RAB9A: variants seen among roughly 807,000 people sequenced by gnomAD.
RAB9A encodes the protein RAB9A, member RAS oncogene family.
In RAB9A, 1 loss-of-function variant was observed where a neutral mutation model predicts 10.3. That is an observed-to-expected ratio of 0.10 (90% confidence interval 0.03 to 0.46). RAB9A has a LOEUF of 0.46. Among genes scored for constraint, RAB9A ranks in the 20% least tolerant of loss-of-function variants. RAB9A has a pLI of 0.96. For synonymous variants in RAB9A, 39 were observed against 55.2 expected, an observed-to-expected ratio of 0.71 and a Z score of 1.30; for missense variants, 92 against 150.3, an observed-to-expected ratio of 0.61 and a Z score of 2.03.
chrX:13,690,105 C>T (rs990153393), intron 1 of RAB9A, among the ~76,000 whole-genome samples: 4 of 110,623 alleles, frequency 3.6e-5, no homozygotes, highest in Admixed American at 2.9e-4. Flanking sequence ...AATCAATGGG[C>T]AGAATTTGAT....
chrX:13,699,481 C>T (rs1217772831), intron 1 of RAB9A, among the ~76,000 whole-genome samples: 2 of 112,219 alleles, frequency 1.8e-5, no homozygotes, highest in African/African-American at 6.5e-5. Context: ...TGTGTCCCTC[C>T]CAGGGAGTTG....
At chrX:13,690,109 A>G (rs1349702632) in intron 1 of RAB9A, among the ~76,000 whole-genome samples, 2 of 111,171 alleles carry the variant, frequency 1.8e-5, no homozygotes, top group Non-Finnish European at 3.8e-5. Flanking sequence ...AATGGGCAGA[A>G]TTTGATTGCT....
chrX:13,690,449 G>A, intron 1 of RAB9A, among the ~76,000 whole-genome samples: 1 of 111,768 alleles, frequency 8.9e-6, no homozygotes, highest in Admixed American at 9.5e-5. Flanking sequence ...GAGACTTTTG[G>A]GATCTGGGCA....
chrX:13,710,079 T>TA lies in RAB9A; in HGVS notation c.*728dup, dbSNP rs780854479. On this transcript the variant is annotated 3_prime_UTR_variant, in exon 3 of 3. Transcript: ENST00000464506. ...TATGAATGGAAAGCCTTTCCATAGA[T>TA]AGAGTTCAGTTTTAAGAAAAAGGCT... 7 of 123,925 alleles carry TA rather than the reference T, an allele frequency of 5.6e-5. No homozygotes were observed. Among genetic ancestry groups the TA allele is most frequent in the Non-Finnish European group, 1.1e-4 (6 of 53,392 alleles). 10.2% of individuals were successfully genotyped at this position (123,925 alleles called of 1,213,427 possible). A position where few individuals can be genotyped will look rare whatever the true frequency, so the allele number is the denominator to read the frequency against.
chrX:13,691,023 G>C (rs1471326401), intron 1 of RAB9A, among the ~76,000 whole-genome samples: 1 of 111,679 alleles, frequency 9.0e-6, no homozygotes, highest in Non-Finnish European at 1.9e-5. Flanking sequence ...TTCACACCTG[G>C]GGGCAAGGGA....
In RAB9A at chrX:13,689,864, C is replaced by A. The variant is rs184950239; in HGVS notation, c.-116+576C>A. On this transcript the variant is annotated intron_variant, in intron 1 of 2. Coordinates refer to ENST00000464506, the MANE Select transcript of RAB9A (RefSeq NM_004251.5). ...ATTATCTGATTCAGACGCTGGCTAA[C>A]GTTTCACAATCGCGTTCCCTTTTTT... Among the ~76,000 whole-genome samples the A allele has an allele frequency of 7.2e-5, 8 of 111,659 alleles. No individual in the cohort carries two copies. In the Admixed American group the frequency reaches 7.6e-4, roughly 11 times the overall value.
intron 1 of RAB9A, among the ~76,000 whole-genome samples, chrX:13,701,955 C>T (rs184025585): frequency 9.0e-6 from 1 of 111,380 alleles, no homozygotes; most frequent in East Asian, 2.8e-4. Context: ...TCACCCACAG[C>T]CCTTCTCCCA....
intron 1 of RAB9A, among the ~76,000 whole-genome samples, chrX:13,689,746 T>TA (rs1237083273): frequency 9.0e-6 from 1 of 111,639 alleles, no homozygotes; most frequent in African/African-American, 3.3e-5. Context: ...AAGTTCCACC[T>TA]AGCAGAACGT....
intron 1 of RAB9A, among the ~76,000 whole-genome samples, chrX:13,691,959 A>G (rs2046126752): frequency 9.2e-6 from 1 of 109,057 alleles, no homozygotes; most frequent in Admixed American, 9.9e-5. Context: ...TGCCTGGGCT[A>G]CTCAAGGACA....
At chrX:13,698,780 A>ATT (rs1398881793) in intron 1 of RAB9A, among the ~76,000 whole-genome samples, 1 of 111,671 alleles carries the variant, frequency 9.0e-6, no homozygotes, top group Non-Finnish European at 1.9e-5. Flanking sequence ...ACACGCCTAA[A>ATT]TTAAGCTATG....
chrX:13,689,957 G>A (rs766120637), intron 1 of RAB9A, among the ~76,000 whole-genome samples: 13 of 93,735 alleles, frequency 1.4e-4, no homozygotes, highest in African/African-American at 5.5e-4. Flanking sequence ...ATAGTTGGTG[G>A]ACGTATTGCT....
At chrX:13,705,294 A>G (rs758658643) in intron 2 of RAB9A, among the ~76,000 whole-genome samples, 5 of 111,829 alleles carry the variant, frequency 4.5e-5, no homozygotes, top group Non-Finnish European at 9.4e-5. Context: ...ATATTCATGT[A>G]GAAATTAATT....
At chrX:13,690,797 A>T (rs1232938612) in intron 1 of RAB9A, among the ~76,000 whole-genome samples, 2 of 111,773 alleles carry the variant, frequency 1.8e-5, no homozygotes, top group African/African-American at 3.3e-5. Flanking sequence ...TTTAATTTCC[A>T]TAGCATTTCT....
intron 1 of RAB9A, among the ~76,000 whole-genome samples, chrX:13,691,284 G>A (rs2046121525): frequency 9.0e-6 from 1 of 110,888 alleles, no homozygotes; most frequent in Non-Finnish European, 1.9e-5. Flanking sequence ...ATGCAATGTC[G>A]TTTTCCTATT....
chrX:13,707,735 G>A (rs1260748931), intron 2 of RAB9A, among the ~76,000 whole-genome samples: 1 of 112,516 alleles, frequency 8.9e-6, no homozygotes, highest in African/African-American at 3.2e-5. Context: ...CTGCCCAAGT[G>A]AATCTTGTGG....
chrX:13,691,029 A>G (rs1397746688), intron 1 of RAB9A, among the ~76,000 whole-genome samples: 1 of 111,709 alleles, frequency 9.0e-6, no homozygotes, highest in Admixed American at 9.5e-5. Context: ...CCTGGGGGCA[A>G]GGGAGGTGCT....
chrX:13,690,309 T>G (rs2046114971), intron 1 of RAB9A, among the ~76,000 whole-genome samples: 1 of 112,310 alleles, frequency 8.9e-6, no homozygotes, highest in South Asian at 3.6e-4. Flanking sequence ...TTATCATGAT[T>G]GCTTCTCTAG....
intron 1 of RAB9A, among the ~76,000 whole-genome samples, chrX:13,692,034 G>T (rs1179090990): frequency 9.1e-6 from 1 of 110,433 alleles, no homozygotes; most frequent in Non-Finnish European, 1.9e-5. Flanking sequence ...TGAGTGTGGT[G>T]GCTCATGCCT....
chrX:13,698,855 C>G (rs767849992), intron 1 of RAB9A, among the ~76,000 whole-genome samples: 1 of 110,716 alleles, frequency 9.0e-6, no homozygotes, highest in Non-Finnish European at 1.9e-5. Flanking sequence ...TTTTGTTTCC[C>G]TGGTTTTCTT....
Sources: gnomAD v4.1 joint callset for allele counts (sites outside exome capture counted in the v4.1 genomes callset) on GRCh38, gnomAD v4.1.1 for gene constraint, MANE v1.5 for transcripts, NCBI Gene and HGNC (gene_info 2026-07-23, HGNC 2026-07-21) for gene names.